The following ENTPD6 variants were observed in gnomAD, a reference collection of about 807,000 sequenced individuals.
ENTPD6 encodes ectonucleoside triphosphate diphosphohydrolase 6.
A neutral mutation model predicts 61.5 loss-of-function variants in ENTPD6; 46 were observed. That is an observed-to-expected ratio of 0.75 (90% confidence interval 0.59 to 0.96). The LOEUF (loss-of-function observed/expected upper bound fraction) is 0.96, where lower values mean the gene tolerates loss of function less well. Ranked by LOEUF, ENTPD6 falls within the 40% of genes least tolerant of loss-of-function variation. The probability of loss-of-function intolerance (pLI) is 0.00; values close to 1 mark genes in which losing one functional copy is unlikely to be tolerated. For missense variants in ENTPD6, 612 were observed against 629.0 expected, an observed-to-expected ratio of 0.97 and a Z score of 0.29; for synonymous variants, 252 against 255.5, an observed-to-expected ratio of 0.99 and a Z score of 0.13.
intron 3 of ENTPD6, 101 bp downstream of exon 3, chr20:25,207,498 C>T: frequency 9.1e-7 from 1 of 1,103,062 alleles, no homozygotes; most frequent in Non-Finnish European, 1.3e-6. Context: ...TGTCTAAATG[C>T]AGTTTCCCAG....
intron 1 of ENTPD6, among the ~76,000 whole-genome samples, chr20:25,204,439 C>G (rs1257049394): frequency 6.6e-6 from 1 of 151,672 alleles, no homozygotes; most frequent in African/African-American, 2.4e-5. Context: ...ATTTATTTGC[C>G]TTGTTGGCTC....
intron 3 of ENTPD6, among the ~76,000 whole-genome samples, chr20:25,208,618 T>C (rs55829781): frequency 0.28 from 42,196 of 152,166 alleles, 6,634 homozygotes; most frequent in East Asian, 0.61. Context: ...TGATTTTTTC[T>C]GGTCCAGTCT....
chr20:25,216,730 C>G lies in ENTPD6; in HGVS notation c.792C>G (p.Arg264=), dbSNP rs140277685. 3.8e-6 allele frequency: 6 copies of G among 1,575,780 alleles called. No homozygotes were observed. The highest frequency in any genetic ancestry group is 4.3e-6 in the Non-Finnish European group (5 of 1,158,986). Residue 264 remains arginine (R), a synonymous_variant, in exon 8 of 15, where the codon CGC becomes CGG. Coordinates refer to ENST00000376652, the MANE Select transcript of ENTPD6 (RefSeq NM_001247.5). ...GGSTQIAFLP[R]VEGTLQASPP... The stretch of plus-strand genomic sequence containing the variant: ...CCACTCAGATCGCCTTCCTGCCACG[C>G]GTGGAGGTAACAAGCCCTGCCGACC...
intron 7 of ENTPD6, 151 bp downstream of exon 7, chr20:25,215,862 G>T (rs2123071463): frequency 3.6e-6 from 3 of 822,898 alleles, no homozygotes; most frequent in Non-Finnish European, 6.1e-6. Context: ...GGGTGTTGGG[G>T]ATGGGTGGGG....
Position 25,207,180 on chromosome 20 carries a change from G to A in ENTPD6, c.159G>A (p.Val53=). ...ACCCCCTGGGGCTGTGTGTGGGCGTGTTCATCTATGTTGCCTACATCAAGT... is the reference window on the plus strand; with the variant it reads ...ACCCCCTGGGGCTGTGTGTGGGCGTATTCATCTATGTTGCCTACATCAAGT... ...VAYPLGLCVG[V]FIYVAYIKWH... is the part of the protein sequence containing the mutation. The change falls in exon 3 of 15, where the codon GTG becomes GTA. Residue 53 remains valine (V), a synonymous_variant. Coordinates refer to ENST00000376652, the MANE Select transcript of ENTPD6 (RefSeq NM_001247.5). 1 of 1,614,100 alleles carries A rather than the reference G, an allele frequency of 6.2e-7. No individual in the cohort carries two copies. Among genetic ancestry groups the A allele is most frequent in the Non-Finnish European group, 8.5e-7 (1 of 1,180,002 alleles).
intron 4 of ENTPD6, among the ~76,000 whole-genome samples, 179 bp downstream of exon 4, chr20:25,210,104 G>A (rs2091854391): frequency 6.6e-6 from 1 of 152,218 alleles, no homozygotes; most frequent in South Asian, 2.1e-4. Flanking sequence ...CGAGCCCAGA[G>A]GAGAACGCGC....
At chr20:25,219,365 A>C (rs893728441) in intron 10 of ENTPD6, among the ~76,000 whole-genome samples, 5 of 152,202 alleles carry the variant, frequency 3.3e-5, no homozygotes, top group Non-Finnish European at 7.4e-5. Context: ...CGTCAGGGAA[A>C]GGTTTTCTCT....
At chr20:25,202,121 A>T (rs924367520) in intron 1 of ENTPD6, among the ~76,000 whole-genome samples, 1 of 152,180 alleles carries the variant, frequency 6.6e-6, no homozygotes, top group African/African-American at 2.4e-5. Flanking sequence ...GAGAAAATGT[A>T]TTTGCTATTT....
intron 4 of ENTPD6, among the ~76,000 whole-genome samples, chr20:25,211,207 A>T (rs2091939096): frequency 6.6e-6 from 1 of 152,242 alleles, no homozygotes; most frequent in African/African-American, 2.4e-5. Flanking sequence ...CAAACGTGTC[A>T]TGGTCTCAGA....
chr20:25,210,001 A>G (rs530147955), intron 4 of ENTPD6, 76 bp downstream of exon 4: 2 of 1,306,164 alleles, frequency 1.5e-6, no homozygotes, highest in Admixed American at 1.7e-5. Flanking sequence ...TGAATGTGGT[A>G]GGCTGTCTTC....
chr20:25,227,433 G>C lies in ENTPD6; in HGVS notation c.*1836G>C, dbSNP rs145007833. On this transcript the variant is annotated 3_prime_UTR_variant, in exon 15 of 15. Transcript: ENST00000376652. ...GGTCGGTGACCTCATGCCTGAAAAA[G>C]GCAAACAACTGGAAGTTTTCCAAAA... Among the ~76,000 whole-genome samples the C allele has an allele frequency of 2.1e-3, 315 of 152,296 alleles. No individual in the cohort carries two copies. The highest frequency in any genetic ancestry group is 6.8e-3 in the African/African-American group (284 of 41,550).
intron 7 of ENTPD6, among the ~76,000 whole-genome samples, chr20:25,216,308 C>A (rs555414154): frequency 6.6e-6 from 1 of 152,260 alleles, no homozygotes; most frequent in South Asian, 2.1e-4. Context: ...TGGGAGCCTC[C>A]GCCTGAGATG....
intron 4 of ENTPD6, among the ~76,000 whole-genome samples, chr20:25,211,576 C>G (rs1405953022): frequency 6.6e-6 from 1 of 152,210 alleles, no homozygotes; most frequent in African/African-American, 2.4e-5. Context: ...AGGCCTTTGG[C>G]TTTGCTGCTG....
chr20:25,197,934 AC>A (rs1156966242), intron 1 of ENTPD6, among the ~76,000 whole-genome samples: 2 of 152,204 alleles, frequency 1.3e-5, no homozygotes, highest in Non-Finnish European at 2.9e-5. Context: ...TGTGTGCTCC[AC>A]CACACACTGA....
intron 9 of ENTPD6, among the ~76,000 whole-genome samples, chr20:25,217,978 C>T (rs949513406): frequency 1.4e-5 from 2 of 144,822 alleles, no homozygotes; most frequent in African/African-American, 5.4e-5. Context: ...TCTCTCTCCT[C>T]CTCCTCCTCC....
chr20:25,206,848 C>T (rs528100828), intron 2 of ENTPD6, among the ~76,000 whole-genome samples: 33 of 152,290 alleles, frequency 2.2e-4, no homozygotes, highest in Admixed American at 9.2e-4. Context: ...GCAATGTGTG[C>T]GACCTTGAGC....
At position 25,213,255 on chromosome 20, in the gene ENTPD6, G is replaced by A. The variant is rs761076660; in HGVS notation, c.454-8G>A. On this transcript the variant is annotated splice_region_variant and splice_polypyrimidine_tract_variant and intron_variant, in intron 4 of 14. Coordinates refer to ENST00000376652, the MANE Select transcript of ENTPD6 (RefSeq NM_001247.5). The stretch of plus-strand genomic sequence containing the variant: ...ACAGACCCTGCTTTGCTCTTACCAC[G>A]TTCACAGAGCGCTCAGGGAATCCGG... The A allele has an allele frequency of 2.2e-5, 35 of 1,613,902 alleles. No homozygotes were observed. The Middle Eastern group carries it at 6.6e-4, about 30-fold the overall frequency.
At chr20:25,225,053 G>A (rs2092757260) in intron 13 of ENTPD6, 152 bp from the exon 14 acceptor site, 1 of 1,253,936 alleles carries the variant, frequency 8.0e-7, no homozygotes, top group Admixed American at 2.4e-5. Flanking sequence ...GCTGTGCACT[G>A]GGTGCCTTCT....
At chr20:25,199,180 A>G (rs1174187886) in intron 1 of ENTPD6, among the ~76,000 whole-genome samples, 2 of 152,074 alleles carry the variant, frequency 1.3e-5, no homozygotes, top group African/African-American at 4.8e-5. Flanking sequence ...ATCTAACCAG[A>G]GCCAGAGGGG....
Sources: allele counts gnomAD v4.1 joint callset (sites outside exome capture counted in the v4.1 genomes callset), GRCh38; gene constraint gnomAD v4.1.1; transcripts MANE v1.5; gene names NCBI Gene and HGNC (gene_info 2026-07-23, HGNC 2026-07-21).